SND1: variants seen among roughly 807,000 people sequenced by gnomAD.
The protein encoded by SND1 is staphylococcal nuclease domain-containing protein 1.
A neutral mutation model predicts 121.7 loss-of-function variants in SND1; 38 were observed. The ratio of observed to expected loss-of-function variants is 0.31; its 90% CI spans 0.24 to 0.41. The LOEUF (loss-of-function observed/expected upper bound fraction) is 0.41. SND1 is among the 10% of genes least tolerant of loss of function. SND1 has a pLI of 1.00. For missense variants in SND1, 868 were observed against 1,184.6 expected (o/e 0.73, Z 3.92); for synonymous variants, 401 against 447.4 (o/e 0.90, Z 1.31).
chr7:128,091,728 G>C (rs1461033324), intron 22 of SND1, 109 bp from the exon 23 acceptor site: 9 of 1,140,636 alleles, frequency 7.9e-6, no homozygotes, highest in African/African-American at 4.6e-5. Flanking sequence ...CATTGGACAG[G>C]CTTGAGCAAG....
chr7:127,703,069 G>C, intron 6 of SND1, 96 bp from the exon 7 acceptor site: 1 of 1,357,710 alleles, frequency 7.4e-7, no homozygotes. Flanking sequence ...GTTTAGCTTC[G>C]TGGCATGTGT....
chr7:128,056,233 A>G (rs1203947348), intron 16 of SND1, among the ~76,000 whole-genome samples: 1 of 152,224 alleles, frequency 6.6e-6, no homozygotes, highest in African/African-American at 2.4e-5. Context: ...GGACAACTGC[A>G]GAGCCTCTTG....
intron 14 of SND1, among the ~76,000 whole-genome samples, chr7:127,922,469 G>A (rs567922921): frequency 3.3e-5 from 5 of 152,104 alleles, no homozygotes; most frequent in African/African-American, 4.8e-5. Context: ...CCAAGTTCTG[G>A]TTTCATTTCT....
intron 12 of SND1, among the ~76,000 whole-genome samples, chr7:127,871,922 G>A (rs917124844): frequency 2.0e-5 from 3 of 152,126 alleles, no homozygotes; most frequent in Non-Finnish European, 4.4e-5. Flanking sequence ...CTTGAGGTCA[G>A]GAGTGTGAGA....
intron 1 of SND1, among the ~76,000 whole-genome samples, chr7:127,683,667 G>C (rs1223253975): frequency 6.6e-6 from 1 of 152,214 alleles, no homozygotes; most frequent in African/African-American, 2.4e-5. Context: ...GAGGGGAAGA[G>C]AGTTTCAGAA....
At chr7:127,717,863 G>A (rs1452388434) in intron 9 of SND1, among the ~76,000 whole-genome samples, 1 of 152,050 alleles carries the variant, frequency 6.6e-6, no homozygotes, top group African/African-American at 2.4e-5. Context: ...TGTGCTTCAG[G>A]GTTTTCAGAA....
chr7:127,839,502 A>C (rs952842530), intron 11 of SND1, among the ~76,000 whole-genome samples: 1 of 152,098 alleles, frequency 6.6e-6, no homozygotes. Flanking sequence ...TATCATCAGC[A>C]TCAGTCTGTG....
chr7:127,811,732 GTGAGCTAGGT>G (rs1225401918), intron 11 of SND1, among the ~76,000 whole-genome samples: 1 of 152,126 alleles, frequency 6.6e-6, no homozygotes, highest in African/African-American at 2.4e-5. Context: ...ATGTGCTTCT[GTGAGCTAGGT>G]TGGCAACCCA....
chr7:127,696,985 A>G (rs1796016309), intron 3 of SND1, among the ~76,000 whole-genome samples: 1 of 152,334 alleles, frequency 6.6e-6, no homozygotes, highest in African/African-American at 2.4e-5. Flanking sequence ...CTTAATGCCA[A>G]TTCTATTATA....
chr7:127,834,588 T>G (rs1343818301), intron 11 of SND1, among the ~76,000 whole-genome samples: 1 of 152,206 alleles, frequency 6.6e-6, no homozygotes, highest in African/African-American at 2.4e-5. Context: ...TTAGTAGGCC[T>G]CTACTTTGTG....
chr7:127,713,321 G>GA (rs1796328635), intron 9 of SND1, among the ~76,000 whole-genome samples: 1 of 152,122 alleles, frequency 6.6e-6, no homozygotes, highest in Non-Finnish European at 1.5e-5. Context: ...GTTAAAAATG[G>GA]AAAAAAATAC....
chr7:127,798,878 C>G (rs1340350065), intron 10 of SND1, among the ~76,000 whole-genome samples: 1 of 152,090 alleles, frequency 6.6e-6, no homozygotes, highest in Admixed American at 6.5e-5. Flanking sequence ...GACCCTGTCT[C>G]TACAGAAAAT....
intron 12 of SND1, among the ~76,000 whole-genome samples, chr7:127,858,802 G>A (rs1799329192): frequency 6.6e-6 from 1 of 152,130 alleles, no homozygotes; most frequent in Non-Finnish European, 1.5e-5. Flanking sequence ...TGACAAATTT[G>A]TTCTTATCTA....
chr7:127,739,975 A>G (rs1035106430), intron 10 of SND1, among the ~76,000 whole-genome samples: 2 of 152,212 alleles, frequency 1.3e-5, no homozygotes, highest in African/African-American at 4.8e-5. Flanking sequence ...GAGACATCCT[A>G]TGCACAATGC....
chr7:127,720,941 A>G (rs888214593), intron 9 of SND1, among the ~76,000 whole-genome samples: 18 of 152,152 alleles, frequency 1.2e-4, no homozygotes, highest in African/African-American at 4.3e-4. Flanking sequence ...ATTTTAGTTT[A>G]GAAGCTGTTT....
Position 127,961,742 on chromosome 7 carries a change from A to G in SND1, c.1670-29205A>G, listed in dbSNP as rs1242765142. ...GGAACAAGCTTTTCTACCATTTCCT[A>G]TGTGTCCATTCTCAACCAGAATAAA... On this transcript the variant is annotated intron_variant, in intron 15 of 23. Transcript: ENST00000354725. 3.3e-5 allele frequency among the ~76,000 whole-genome samples: 5 copies of G among 152,170 alleles called. No homozygotes were observed. In the East Asian group the frequency reaches 7.7e-4, roughly 23 times the overall value.
intron 12 of SND1, among the ~76,000 whole-genome samples, chr7:127,851,226 C>T (rs1188286239): frequency 6.6e-6 from 1 of 152,124 alleles, no homozygotes; most frequent in Non-Finnish European, 1.5e-5. Context: ...TTTATACTGT[C>T]AGTTGAGTTG....
At chr7:128,088,281 A>T (rs1793717809) in intron 21 of SND1, among the ~76,000 whole-genome samples, 2 of 23,544 alleles carry the variant, frequency 8.5e-5, no homozygotes, top group African/African-American at 2.7e-4. Flanking sequence ...CCTGTCTCTA[A>T]AAAAAAAAAA....
intron 12 of SND1, among the ~76,000 whole-genome samples, chr7:127,870,357 GC>G (rs1451176034): frequency 1.3e-5 from 2 of 152,054 alleles, no homozygotes; most frequent in East Asian, 3.9e-4. Flanking sequence ...TTGATAATAG[GC>G]CCCTATACTA....
Sources: allele counts gnomAD v4.1 joint callset (sites outside exome capture counted in the v4.1 genomes callset), GRCh38; gene constraint gnomAD v4.1.1; transcripts MANE v1.5; gene names NCBI Gene and HGNC (gene_info 2026-07-23, HGNC 2026-07-21).